The following USP31 variants were observed in gnomAD, a reference collection of about 807,000 sequenced individuals.
The protein encoded by USP31 is ubiquitin carboxyl-terminal hydrolase 31.
USP31 carries 44 observed loss-of-function variants against 119.4 expected under a neutral mutation model. The observed-to-expected ratio is 0.37, with a 90% CI of 0.29 to 0.47. USP31 has a LOEUF of 0.47. USP31 is among the 20% of genes least tolerant of loss of function. The pLI is 0.99. For missense variants in USP31, 1,643 were observed against 1,730.2 expected (o/e 0.95, Z 0.89); for synonymous variants, 749 against 705.6 (o/e 1.06, Z -0.97).
At chr16:23,102,770 TTTC>T (rs1378603464) in intron 5 of USP31, among the ~76,000 whole-genome samples, 1 of 152,236 alleles carries the variant, frequency 6.6e-6, no homozygotes, top group Non-Finnish European at 1.5e-5. Context: ...GAGTCTATTT[TTTC>T]TTGTCATTAT....
intron 1 of USP31, among the ~76,000 whole-genome samples, chr16:23,142,823 C>A (rs951055825): frequency 3.9e-5 from 6 of 152,194 alleles, no homozygotes; most frequent in African/African-American, 1.2e-4. Flanking sequence ...TACTCTGTCA[C>A]AAAGCTAAAT....
At position 23,149,328 on chromosome 16, in the gene USP31, C is replaced by T; in HGVS notation, c.-58G>A. The T allele has an allele frequency of 2.0e-6, 2 of 1,007,810 alleles. No individual in the cohort carries two copies. Among genetic ancestry groups the T allele is most frequent in the East Asian group, 2.0e-4 (2 of 9,794 alleles). 62.4% of individuals were successfully genotyped at this position (1,007,810 alleles called of 1,614,324 possible). On this transcript the variant is annotated 5_prime_UTR_variant, in exon 1 of 16. In the 5' UTR this introduces an upstream ATG that the reference lacks. Coordinates refer to ENST00000219689, the MANE Select transcript of USP31 (RefSeq NM_020718.4). ...GCCCGCCCGGCCCGCGGCCCCGCCA[C>T]GGCCGCCGCCGCATCCCGCAGCGCC...
At chr16:23,110,890 A>C (rs1049776520) in intron 1 of USP31, among the ~76,000 whole-genome samples, 1 of 152,160 alleles carries the variant, frequency 6.6e-6, no homozygotes, top group African/African-American at 2.4e-5. Context: ...GCACTTTGGG[A>C]GTCCAAGGAG....
Position 23,087,576 on chromosome 16 carries a change from C to T in USP31, c.1527+148G>A. ...GGAATATGCAGCAGTTCAAGGAAAA[C>T]CTTGCAGTGGCTAGCTCTTTCATAA... On this transcript the variant is annotated intron_variant, in intron 8 of 15. Coordinates refer to ENST00000219689, the MANE Select transcript of USP31 (RefSeq NM_020718.4). 3 of 688,630 alleles carry T rather than the reference C, an allele frequency of 4.4e-6. No individual in the cohort carries two copies. The South Asian group carries it at 6.0e-5, about 14-fold the overall frequency. 42.7% of individuals were successfully genotyped at this position (688,630 alleles called of 1,614,324 possible).
At position 23,080,092 on chromosome 16, in the gene USP31, T is replaced by C; in HGVS notation, c.2030A>G (p.Lys677Arg). The C allele has an allele frequency of 1.2e-6, 2 of 1,613,046 alleles. No individual in the cohort carries two copies. Among genetic ancestry groups the C allele is most frequent in the Non-Finnish European group, 1.7e-6 (2 of 1,179,422 alleles). ...TGLDMTPHVVKRSQSSWSLPS... is the reference protein window; with the variant it reads ...TGLDMTPHVVRRSQSSWSLPS... Reference sequence around the variant, plus strand: ...CAAACTCCAGCTGCTCTGGCTCCTCTTAACCACGTGAGGTGTCATGTCCAG... The same window carrying C: ...CAAACTCCAGCTGCTCTGGCTCCTCCTAACCACGTGAGGTGTCATGTCCAG... The change falls in exon 13 of 16, where the codon AAG becomes AGG. Residue 677 changes from lysine to arginine, a missense_variant. Around this residue, in one of 5 missense-constraint regions of USP31, gnomAD observed 279 missense variants for 372.2 expected, o/e 0.75. Transcript: ENST00000219689.
chr16:23,140,923 A>C (rs960230110), intron 1 of USP31, among the ~76,000 whole-genome samples: 1 of 152,202 alleles, frequency 6.6e-6, no homozygotes, highest in African/African-American at 2.4e-5. Flanking sequence ...ACCTCCAGAC[A>C]CATCTTAAAT....
intron 1 of USP31, among the ~76,000 whole-genome samples, chr16:23,111,483 C>T (rs1902316745): frequency 6.6e-6 from 1 of 152,160 alleles, no homozygotes; most frequent in African/African-American, 2.4e-5. Context: ...TCCCCCCTTT[C>T]GAATCCATTG....
At chr16:23,074,060 T>C in intron 13 of USP31, 180 bp from the exon 14 acceptor site, 2 of 716,962 alleles carry the variant, frequency 2.8e-6, no homozygotes, top group African/African-American at 1.8e-5. Flanking sequence ...GAGCAAAATA[T>C]CTTGAGAAAT....
chr16:23,070,111 T>C (rs1216157829), intron 15 of USP31, among the ~76,000 whole-genome samples: 1 of 152,216 alleles, frequency 6.6e-6, no homozygotes, highest in Non-Finnish European at 1.5e-5. Flanking sequence ...GACGATTAAA[T>C]ACAACCTTAC....
At chr16:23,147,008 T>C (rs946221827) in intron 1 of USP31, among the ~76,000 whole-genome samples, 10 of 151,644 alleles carry the variant, frequency 6.6e-5, no homozygotes, top group African/African-American at 2.4e-4. Flanking sequence ...ACAAGAGGTA[T>C]TAAAAACAGG....
At position 23,087,688 on chromosome 16, in the gene USP31, C is replaced by T. The variant is rs757596238; in HGVS notation, c.1527+36G>A. The T allele has an allele frequency of 2.6e-6, 4 of 1,561,520 alleles. No individual in the cohort carries two copies. The South Asian group carries it at 4.5e-5, about 17-fold the overall frequency. ...TGTTTGTTTCTTCACTGAGTATATA[C>T]CCATGCTATGCTGGAATATCAAAAT... On this transcript the variant is annotated intron_variant, in intron 8 of 15. Coordinates refer to ENST00000219689, the MANE Select transcript of USP31 (RefSeq NM_020718.4).
chr16:23,074,668 TG>T (rs1370195248), intron 13 of USP31, among the ~76,000 whole-genome samples: 1 of 152,176 alleles, frequency 6.6e-6, no homozygotes, highest in Non-Finnish European at 1.5e-5. Flanking sequence ...CCAGGCTCCA[TG>T]GAAGTTCCCT....
At chr16:23,103,734 C>T (rs1901977663) in intron 5 of USP31, among the ~76,000 whole-genome samples, 1 of 152,036 alleles carries the variant, frequency 6.6e-6, no homozygotes, top group African/African-American at 2.4e-5. Context: ...GGGCAACATG[C>T]CAAAACCTCG....
At chr16:23,091,039 T>C (rs572023803) in intron 6 of USP31, among the ~76,000 whole-genome samples, 1 of 152,292 alleles carries the variant, frequency 6.6e-6, no homozygotes, top group East Asian at 1.9e-4. Flanking sequence ...AAACTGAAAA[T>C]TAAAACTGCA....
rs775976449 is a variant in USP31 at position 23,069,333 on chromosome 16, T to C, written c.2772A>G (p.Glu924=). 48 of 1,603,044 alleles carry C rather than the reference T, an allele frequency of 3.0e-5. No individual in the cohort carries two copies. The East Asian group carries it at 9.4e-4, about 31-fold the overall frequency. ...SLRNLSSSYQ[E]PSDSHSRREH... ...CACGGCGACTATGACTGTCGCTTGG[T>C]TCCTGGTAACTGCTAGAAAGGTTCC... The change falls in exon 16 of 16, where the codon GAA becomes GAG. Residue 924 remains glutamate, a synonymous_variant. Coordinates refer to ENST00000219689, the MANE Select transcript of USP31 (RefSeq NM_020718.4).
chr16:23,131,958 C>T (rs1024936176), intron 1 of USP31, among the ~76,000 whole-genome samples: 1 of 152,166 alleles, frequency 6.6e-6, no homozygotes, highest in East Asian at 1.9e-4. Flanking sequence ...CTGACCAGTC[C>T]TATGAAATCT....
intron 1 of USP31, among the ~76,000 whole-genome samples, chr16:23,145,578 A>T (rs909481745): frequency 2.0e-5 from 3 of 152,166 alleles, no homozygotes; most frequent in African/African-American, 7.2e-5. Flanking sequence ...TTATTTCCCT[A>T]ATGACTTCCT....
At chr16:23,111,353 G>A (rs1337272863) in intron 1 of USP31, among the ~76,000 whole-genome samples, 1 of 152,072 alleles carries the variant, frequency 6.6e-6, no homozygotes, top group Non-Finnish European at 1.5e-5. Flanking sequence ...TGTGGAGAGG[G>A]AGGAAGGAGG....
intron 7 of USP31, among the ~76,000 whole-genome samples, chr16:23,088,540 G>C (rs1429734679): frequency 1.3e-5 from 2 of 152,152 alleles, no homozygotes; most frequent in Non-Finnish European, 2.9e-5. Context: ...TCCACGCCCA[G>C]TCAGTCAAAC....
Sources: allele counts gnomAD v4.1 joint callset (sites outside exome capture counted in the v4.1 genomes callset), GRCh38; gene constraint gnomAD v4.1.1; regional missense constraint gnomAD v4.1.1; transcripts MANE v1.5; gene names NCBI Gene and HGNC (gene_info 2026-07-23, HGNC 2026-07-21).